Variants in NR3C1 observed in about 807,000 individuals in gnomAD.
NR3C1 encodes nuclear receptor subfamily 3 group C member 1, also known as glucocorticoid receptor.
In NR3C1, 14 loss-of-function variants were observed where a neutral mutation model predicts 74.0. The observed-to-expected ratio is 0.19, with a 90% confidence interval of 0.12 to 0.30. The LOEUF is 0.30. Ranked by LOEUF, NR3C1 falls within the 10% of genes least tolerant of loss-of-function variation. The pLI is 1.00. For missense variants in NR3C1, 695 were observed against 909.8 expected, an observed-to-expected ratio of 0.76 and a Z score of 3.04; for synonymous variants, 308 against 332.5, an observed-to-expected ratio of 0.93 and a Z score of 0.80.
At chr5:143,395,390 T>C (rs1432956573) in intron 2 of NR3C1, among the ~76,000 whole-genome samples, 2 of 151,916 alleles carry the variant, frequency 1.3e-5, no homozygotes, top group African/African-American at 2.4e-5. Context: ...TTTGTAGTTA[T>C]AGCTTAATTC....
chr5:143,401,302 A>C, intron 1 of NR3C1: 1 of 207,350 alleles, frequency 4.8e-6, no homozygotes, highest in African/African-American at 2.3e-5. Context: ...ACCAATACAT[A>C]TAACATTTGA....
At chr5:143,431,382 C>T (rs1484861952) in intron 1 of NR3C1, among the ~76,000 whole-genome samples, 4 of 152,086 alleles carry the variant, frequency 2.6e-5, no homozygotes, top group Non-Finnish European at 4.4e-5. Flanking sequence ...TAAACTGGCA[C>T]TACAATTCCA....
chr5:143,289,570 A>T (rs547106977), intron 7 of NR3C1, among the ~76,000 whole-genome samples: 1 of 152,366 alleles, frequency 6.6e-6, no homozygotes, highest in African/African-American at 2.4e-5. Flanking sequence ...ACTTTTGCTC[A>T]TCTCTACATT....
chr5:143,369,519 A>C (rs1161815351), intron 2 of NR3C1, among the ~76,000 whole-genome samples: 2 of 152,248 alleles, frequency 1.3e-5, no homozygotes, highest in African/African-American at 4.8e-5. Flanking sequence ...CTCAGCCATA[A>C]AAAGAAAATG....
intron 2 of NR3C1, among the ~76,000 whole-genome samples, chr5:143,351,950 A>G (rs934912919): frequency 6.6e-6 from 1 of 152,216 alleles, no homozygotes; most frequent in Non-Finnish European, 1.5e-5. Context: ...TAATCCAAAC[A>G]GATGAGAGAG....
In NR3C1 at chr5:143,403,478, C is replaced by A. The variant is rs1840749537; in HGVS notation, c.-281G>T. The A allele has an allele frequency of 1.1e-5, 11 of 985,100 alleles. No individual in the cohort carries two copies. The highest frequency in any genetic ancestry group is 1.3e-5 in the Non-Finnish European group (11 of 829,916). The allele number at this position is 985,100 out of a possible 1,614,324, so 61.0% of individuals were successfully genotyped here. Reference sequence around the variant, plus strand: ...CCGGGCGCGCGTGCCCCGTCCCGGTCCCAGCTGCTTCGGCCGCTCCGGCTG... The same window carrying A: ...CCGGGCGCGCGTGCCCCGTCCCGGTACCAGCTGCTTCGGCCGCTCCGGCTG... On this transcript the variant is annotated 5_prime_UTR_variant, in exon 1 of 9. Transcript: ENST00000394464.
At chr5:143,404,013 G>A (rs1218758239), upstream of NR3C1, 1 of 985,212 alleles carries the variant, frequency 1.0e-6, no homozygotes, top group Admixed American at 6.2e-5. Flanking sequence ...GCGTTAAGAG[G>A]GCCACCGAGT....
chr5:143,403,878 G>C, upstream of NR3C1: 3 of 977,470 alleles, frequency 3.1e-6, no homozygotes, highest in Non-Finnish European at 3.6e-6. Flanking sequence ...GACGGCGCCT[G>C]CACGCCCGCG....
chr5:143,292,568 G>A (rs1260515295), intron 7 of NR3C1, among the ~76,000 whole-genome samples: 1 of 152,122 alleles, frequency 6.6e-6, no homozygotes, highest in Non-Finnish European at 1.5e-5. Flanking sequence ...AAAAAGGAGG[G>A]AATTTTTCTT....
chr5:143,373,694 T>C (rs1231276815), intron 2 of NR3C1, among the ~76,000 whole-genome samples: 2 of 151,872 alleles, frequency 1.3e-5, no homozygotes, highest in Admixed American at 6.6e-5. Flanking sequence ...TATTTAGGGA[T>C]ATGTAGATAG....
upstream of NR3C1, chr5:143,404,341 A>T: frequency 1.0e-6 from 1 of 985,380 alleles, no homozygotes; most frequent in Non-Finnish European, 1.2e-6. Context: ...GGCTTCAGGG[A>T]AGGGACGGGA....
intron 1 of NR3C1, among the ~76,000 whole-genome samples, chr5:143,429,828 C>T (rs912096562): frequency 6.6e-6 from 1 of 152,130 alleles, no homozygotes; most frequent in East Asian, 1.9e-4. Flanking sequence ...GCCTGTAATT[C>T]CAGCACTTTG....
rs1269400995 is a variant in NR3C1, at chr5:143,281,379, G to A, written c.*510C>T. 1 of 158,120 alleles carries A rather than the reference G, an allele frequency of 6.3e-6. No individual in the cohort carries two copies. Among genetic ancestry groups the A allele is most frequent in the East Asian group, 1.9e-4 (1 of 5,388 alleles). 9.8% of individuals were successfully genotyped at this position (158,120 alleles called of 1,614,324 possible). A position where few individuals can be genotyped will look rare whatever the true frequency, so the allele number is the denominator to read the frequency against. On this transcript the variant is annotated 3_prime_UTR_variant, in exon 9 of 9. Coordinates refer to ENST00000394464, the MANE Select transcript of NR3C1 (RefSeq NM_000176.3). ...TAAAGGAAATTGTTAAAACCAGACAGTAATAGCTATAAAAGGCACAACTTC... is the reference window on the plus strand; with the variant it reads ...TAAAGGAAATTGTTAAAACCAGACAATAATAGCTATAAAAGGCACAACTTC...
chr5:143,400,313 G>C lies in NR3C1; in HGVS notation c.527C>G (p.Thr176Ser). ...EQQHLKGQTG[T>S]NGGNVKLYTT... ...ATACAATTTCACATTGCCACCGTTG[G>C]TGCCAGTCTGGCCCTTCAAATGTTG... The change falls in exon 2 of 9, where the codon ACC becomes AGC. Residue 176 changes from threonine (T) to serine (S), a missense_variant. Around this residue, in one of 4 missense-constraint regions of NR3C1, gnomAD observed 497 missense variants for 489.5 expected, o/e 1.02. Coordinates refer to ENST00000394464, the MANE Select transcript of NR3C1 (RefSeq NM_000176.3). 1 of 1,611,372 alleles carries C rather than the reference G, an allele frequency of 6.2e-7. No individual in the cohort carries two copies.
intron 1 of NR3C1, among the ~76,000 whole-genome samples, chr5:143,419,047 T>C (rs563061705): frequency 6.6e-6 from 1 of 152,328 alleles, no homozygotes; most frequent in Non-Finnish European, 1.5e-5. Flanking sequence ...ATCCAAAGCT[T>C]TTTGAGTGCT....
Position 143,303,935 on chromosome 5 carries a change from G to A in NR3C1, c.1469-3172C>T, listed in dbSNP as rs193136367. Among the ~76,000 whole-genome samples, 3 of 152,150 alleles carry A rather than the reference G, an allele frequency of 2.0e-5. No individual in the cohort carries two copies. The East Asian group carries it at 5.8e-4, about 29-fold the overall frequency. ...GGAACATACCTCAAAGTAATAAAGAGCCCTGTATGACAAACCAACAGCCAA... is the reference window on the plus strand; with the variant it reads ...GGAACATACCTCAAAGTAATAAAGAACCCTGTATGACAAACCAACAGCCAA... On this transcript the variant is annotated intron_variant, in intron 4 of 8. Coordinates refer to ENST00000394464, the MANE Select transcript of NR3C1 (RefSeq NM_000176.3).
chr5:143,376,737 G>A (rs1474851846), intron 2 of NR3C1, among the ~76,000 whole-genome samples: 1 of 152,106 alleles, frequency 6.6e-6, no homozygotes, highest in South Asian at 2.1e-4. Flanking sequence ...CTTAAATGGG[G>A]GTAAGAGCAG....
chr5:143,423,979 G>A (rs541457683), intron 1 of NR3C1, among the ~76,000 whole-genome samples: 28 of 144,670 alleles, frequency 1.9e-4, no homozygotes, highest in Admixed American at 1.7e-3. Context: ...GTGTTTAACC[G>A]CATATTCTCA....
chr5:143,414,038 G>T (rs1017812946), intron 1 of NR3C1, among the ~76,000 whole-genome samples: 6 of 152,142 alleles, frequency 3.9e-5, no homozygotes, highest in Non-Finnish European at 8.8e-5. Context: ...GCAATGGAAA[G>T]AACCCTGAAA....
Sources: gnomAD v4.1 joint callset for allele counts (sites outside exome capture counted in the v4.1 genomes callset) on GRCh38, gnomAD v4.1.1 for gene constraint, gnomAD v4.1.1 regional missense constraint, MANE v1.5 for transcripts, NCBI Gene and HGNC (gene_info 2026-07-23, HGNC 2026-07-21) for gene names.